The following MROH7 variants were observed in gnomAD, a reference collection of about 807,000 sequenced individuals.
The protein encoded by MROH7 is maestro heat-like repeat-containing protein family member 7.
A neutral mutation model predicts 129.2 loss-of-function variants in MROH7; 113 were observed. The ratio of observed to expected loss-of-function variants is 0.87; its 90% CI spans 0.75 to 1.02. The LOEUF is 1.02. MROH7 is among the 50% of genes least tolerant of loss of function. The probability of loss-of-function intolerance (pLI) is 0.00; values close to 1 mark genes in which losing one functional copy is unlikely to be tolerated. For missense variants in MROH7, 1,601 were observed against 1,671.3 expected (o/e 0.96, Z 0.73); for synonymous variants, 655 against 667.9 (o/e 0.98, Z 0.30).
chr1:54,699,188 T>C (rs1645389119), intron 17 of MROH7: 1 of 71,074 alleles, frequency 1.4e-5, no homozygotes, highest in Admixed American at 1.3e-4. Flanking sequence ...TCTTTCTTTC[T>C]CTTTCTTTCT....
At chr1:54,657,117 G>A (rs1404685757) in intron 3 of MROH7, among the ~76,000 whole-genome samples, 1 of 145,034 alleles carries the variant, frequency 6.9e-6, no homozygotes, top group Non-Finnish European at 1.5e-5. Context: ...TCATGATCTT[G>A]CCTCACTGCA....
In MROH7 at chr1:54,694,433, C is replaced by T. The variant is rs1009120682; in HGVS notation, c.2850-943C>T. On this transcript the variant is annotated intron_variant, in intron 16 of 23. Coordinates refer to ENST00000421030, the MANE Select transcript of MROH7 (RefSeq NM_001039464.4). ...TGTTAAAACACTGGTTGCTGTGCCC[C>T]GTACCCTAAGAGTTCCTGCTTAGTA... Among the ~76,000 whole-genome samples, 4 of 152,176 alleles carry T rather than the reference C, an allele frequency of 2.6e-5. No individual in the cohort carries two copies. The East Asian group carries it at 5.8e-4, about 22-fold the overall frequency.
chr1:54,686,471 A>C (rs1300004630), intron 15 of MROH7, 23 bp downstream of exon 15: 1 of 1,603,624 alleles, frequency 6.2e-7, no homozygotes, highest in East Asian at 2.2e-5. Context: ...CTCTCTCTTG[A>C]CCCTGCTGTC....
At chr1:54,663,548 A>AT (rs1369167457) in intron 3 of MROH7, among the ~76,000 whole-genome samples, 1 of 151,876 alleles carries the variant, frequency 6.6e-6, no homozygotes, top group Admixed American at 6.6e-5. Flanking sequence ...TAATTTTTGT[A>AT]TTTTTAGTAG....
At chr1:54,648,478 G>A (rs960087419) in intron 1 of MROH7, among the ~76,000 whole-genome samples, 1 of 151,932 alleles carries the variant, frequency 6.6e-6, no homozygotes, top group Non-Finnish European at 1.5e-5. Context: ...CAACTCTCCT[G>A]CCTCAGCCTC....
At chr1:54,663,699 AAAC>A (rs1231518929) in intron 3 of MROH7, 117 of 388,778 alleles carry the variant, frequency 3.0e-4, no homozygotes, top group East Asian at 1.1e-3. Flanking sequence ...AAAAAAAAAA[AAAC>A]AAAAAAAAAA....
At position 54,674,059 on chromosome 1, in the gene MROH7, T is replaced by G. The variant is rs1644945167; in HGVS notation, c.1844T>G (p.Leu615Arg). 1 of 1,614,108 alleles carries G rather than the reference T, an allele frequency of 6.2e-7. No individual in the cohort carries two copies. Among genetic ancestry groups the G allele is most frequent in the African/African-American group, 1.3e-5 (1 of 75,048 alleles). Residue 615 changes from leucine (L) to arginine (R), a missense_variant, in exon 10 of 24, where the codon CTC (leucine) becomes CGC (arginine). Transcript: ENST00000421030. Reference sequence around the variant, plus strand: ...GCGCTGGGGCTTCTGCTGGGGAGACTCATCCTTCACATTGGGGATCCTGAT... The same window carrying G: ...GCGCTGGGGCTTCTGCTGGGGAGACGCATCCTTCACATTGGGGATCCTGAT... ...FPALGLLLGR[L>R]ILHIGDPDEE...
At chr1:54,708,196 A>T (rs1645564841) in intron 22 of MROH7, among the ~76,000 whole-genome samples, 1 of 152,166 alleles carries the variant, frequency 6.6e-6, no homozygotes, top group Admixed American at 6.5e-5. Context: ...AGGTGAGAGG[A>T]TCATTTAAGG....
chr1:54,697,925 C>A (rs993775793), intron 17 of MROH7: 11 of 436,716 alleles, frequency 2.5e-5, no homozygotes, highest in African/African-American at 5.9e-5. Context: ...TTAACTTCTC[C>A]CCACCATTCC....
At chr1:54,693,417 C>T (rs1233898013) in intron 16 of MROH7, among the ~76,000 whole-genome samples, 1 of 152,076 alleles carries the variant, frequency 6.6e-6, no homozygotes. Flanking sequence ...ACCACGTACT[C>T]CAGCCTGAAA....
intron 13 of MROH7, 143 bp downstream of exon 13, chr1:54,680,188 AC>A (rs1645047291): frequency 1.5e-6 from 1 of 676,894 alleles, no homozygotes; most frequent in Admixed American, 2.6e-5. Context: ...GTTTATGACA[AC>A]CATTAAGCAC....
chr1:54,708,967 G>GGGGGGGGGGCCC, intron 22 of MROH7, 47 bp from the exon 23 acceptor site: 1 of 1,329,318 alleles, frequency 7.5e-7, no homozygotes, highest in Non-Finnish European at 1.0e-6. Context: ...TTGGGGTGGG[G>GGGGGGGGGGCCC]TCGACGTCGG....
chr1:54,699,159 T>TTTCTTTCTTTTCTTTCTTTC (rs71048705), intron 17 of MROH7: 102 of 65,900 alleles, frequency 1.5e-3, no homozygotes, highest in Admixed American at 3.6e-3. Flanking sequence ...TCTTTCTTTC[T>TTTCTTTCTTTTCTTTCTTTC]TTTCTTTCTT....
At chr1:54,644,376 T>C (rs916882234) in intron 1 of MROH7, among the ~76,000 whole-genome samples, 1 of 150,168 alleles carries the variant, frequency 6.7e-6, no homozygotes, top group African/African-American at 2.4e-5. Flanking sequence ...CCTGTCTTGC[T>C]CTGTCACCAA....
intron 17 of MROH7, chr1:54,699,163 CTTT>C: frequency 1.2e-5 from 1 of 86,002 alleles, no homozygotes; most frequent in African/African-American, 5.0e-5. Context: ...TCTTTCTTTT[CTTT>C]CTTTCTTTCT....
intron 3 of MROH7, chr1:54,663,813 C>T (rs990849410): frequency 2.2e-6 from 1 of 452,318 alleles, no homozygotes; most frequent in African/African-American, 2.0e-5. Context: ...TCGACCTTTT[C>T]TCCAAGGAGC....
intron 22 of MROH7, among the ~76,000 whole-genome samples, 156 bp downstream of exon 22, chr1:54,706,693 G>T (rs1285780739): frequency 6.6e-6 from 1 of 152,198 alleles, no homozygotes; most frequent in Non-Finnish European, 1.5e-5. Context: ...AGTTAGAATG[G>T]TTTTCCCCAC....
At position 54,670,894 on chromosome 1, in the gene MROH7, C is replaced by G; in HGVS notation, c.1564C>G (p.Gln522Glu). The change falls in exon 7 of 24, where the codon CAG becomes GAG. Residue 522 changes from glutamine to glutamate, a missense_variant. Physicochemically the swap from Gln to Glu is conservative, Grantham distance 29. Coordinates refer to ENST00000421030, the MANE Select transcript of MROH7 (RefSeq NM_001039464.4). ...VFSLPSVQAM[Q>E]EKDEAKAETI... The stretch of plus-strand genomic sequence containing the variant: ...CTCCCTGCCCTCCGTGCAGGCGATG[C>G]AGGAGAAGGACGAGGCCAAGGCTGA... 6.2e-7 allele frequency: 1 copy of G among 1,611,144 alleles called. No individual in the cohort carries two copies. The highest frequency in any genetic ancestry group is 1.3e-5 in the African/African-American group (1 of 75,024).
intron 15 of MROH7, among the ~76,000 whole-genome samples, chr1:54,688,777 G>A (rs1645189901): frequency 1.3e-5 from 2 of 152,120 alleles, no homozygotes; most frequent in South Asian, 2.1e-4. Context: ...GAAGGCTGAC[G>A]GGCTCTGGGG....
Sources: gnomAD v4.1 joint callset for allele counts (sites outside exome capture counted in the v4.1 genomes callset) on GRCh38, gnomAD v4.1.1 for gene constraint, MANE v1.5 for transcripts, NCBI Gene and HGNC (gene_info 2026-07-23, HGNC 2026-07-21) for gene names.